The following NSUN6 variants were observed in gnomAD, a reference collection of about 807,000 sequenced individuals.
NSUN6 encodes the protein tRNA (cytosine(72)-C(5))-methyltransferase NSUN6.
Under a neutral mutation model 58.0 loss-of-function variants are expected in NSUN6, and 64 were observed. The observed-to-expected ratio is 1.10, with a 90% CI of 0.90 to 1.36. The LOEUF is 1.36. Among genes scored for constraint, NSUN6 ranks in the 40% most tolerant of loss-of-function variants. The pLI is 0.00. For missense variants in NSUN6, 701 were observed against 550.1 expected (o/e 1.27, Z -2.74); for synonymous variants, 231 against 193.9 (o/e 1.19, Z -1.59).
chr10:18,659,245 G>T (rs1050165380), upstream of NSUN6: 2 of 208,358 alleles, frequency 9.6e-6, no homozygotes, highest in Non-Finnish European at 1.9e-5. Context: ...AAGTGAAACC[G>T]AAGAAAACGC....
chr10:18,600,959 T>TATATATATATATACAC lies in NSUN6; in HGVS notation c.658-4633_658-4632insGTGTATATATATATAT. Among the ~76,000 whole-genome samples the TATATATATATATACAC allele has an allele frequency of 1.4e-3, 88 of 64,940 alleles. 1 individual carries two copies. Among genetic ancestry groups the TATATATATATATACAC allele is most frequent in the Non-Finnish European group, 2.2e-3 (73 of 32,702 alleles). 42.6% of individuals were successfully genotyped at this position (64,940 alleles called of 152,430 possible). A position where few individuals can be genotyped will look rare whatever the true frequency, so the allele number is the denominator to read the frequency against. ...AAAAAAAAATATATATATATATATATACATATATATATATATATGTATATA... is the reference window on the plus strand; with the variant it reads ...AAAAAAAAATATATATATATATATATATATATATATATACACACATATATATATATATATGTATATA... On this transcript the variant is annotated intron_variant, in intron 6 of 10. Transcript: ENST00000377304.
intron 7 of NSUN6, among the ~76,000 whole-genome samples, chr10:18,594,025 C>A (rs1184931655): frequency 5.3e-5 from 8 of 151,866 alleles, no homozygotes; most frequent in Admixed American, 5.3e-4. Flanking sequence ...CATGGTGAAA[C>A]CCCATCTCTA....
At chr10:18,634,003 G>C (rs1343460957) in intron 3 of NSUN6, among the ~76,000 whole-genome samples, 1 of 152,172 alleles carries the variant, frequency 6.6e-6, no homozygotes, top group South Asian at 2.1e-4. Context: ...TAGTCCCATA[G>C]GTATGCTCTT....
intron 3 of NSUN6, among the ~76,000 whole-genome samples, chr10:18,625,286 T>C (rs1173968223): frequency 1.3e-5 from 2 of 152,186 alleles, no homozygotes; most frequent in Middle Eastern, 3.2e-3. Context: ...AGGTAATATC[T>C]GTGCCAGAAA....
At position 18,551,865 on chromosome 10, in the gene NSUN6, T is replaced by C; in HGVS notation, c.1029A>G (p.Glu343=). 6.2e-7 allele frequency: 1 copy of C among 1,613,738 alleles called. No homozygotes were observed. The highest frequency in any genetic ancestry group is 8.5e-7 in the Non-Finnish European group (1 of 1,179,724). The change falls in exon 9 of 11, where the codon GAA becomes GAG. Residue 343 remains glutamate (E), a synonymous_variant. Coordinates refer to ENST00000377304, the MANE Select transcript of NSUN6 (RefSeq NM_182543.5). ...GCTGTAATGGCTGATATGATGCCAC[T>C]TCCTTCACAGACCAAGTACAGGCCA... The part of the protein sequence containing the change: ...PNMACTWSVK[E]VASYQPLQRK...
At chr10:18,633,001 C>T (rs968872312) in intron 3 of NSUN6, among the ~76,000 whole-genome samples, 1 of 151,952 alleles carries the variant, frequency 6.6e-6, no homozygotes, top group African/African-American at 2.4e-5. Flanking sequence ...GACTTGGAAC[C>T]AACCCAAATG....
chr10:18,547,102 A>C (rs570414534), intron 10 of NSUN6, among the ~76,000 whole-genome samples: 37 of 152,296 alleles, frequency 2.4e-4, no homozygotes, highest in African/African-American at 8.7e-4. Context: ...AACAAACATA[A>C]GAAAGGAAAC....
intron 8 of NSUN6, among the ~76,000 whole-genome samples, chr10:18,562,076 T>A (rs1487287346): frequency 6.8e-6 from 1 of 146,580 alleles, no homozygotes; most frequent in African/African-American, 2.6e-5. Context: ...TGAAATGGAA[T>A]GAAGTGGAGA....
At chr10:18,568,553 T>C (rs896538328) in intron 8 of NSUN6, among the ~76,000 whole-genome samples, 16 of 150,694 alleles carry the variant, frequency 1.1e-4, no homozygotes, top group Non-Finnish European at 2.2e-4. Flanking sequence ...TTCCAATCCA[T>C]TCTCCTTTCC....
chr10:18,609,746 C>A, intron 6 of NSUN6, 99 bp downstream of exon 6: 1 of 708,700 alleles, frequency 1.4e-6, no homozygotes, highest in Non-Finnish European at 2.5e-6. Context: ...GTAAGTAGAC[C>A]ACAGAAAAAA....
chr10:18,632,300 C>T (rs2059059298), intron 3 of NSUN6, among the ~76,000 whole-genome samples: 1 of 143,906 alleles, frequency 6.9e-6, no homozygotes, highest in South Asian at 2.4e-4. Flanking sequence ...ACCATAAAAA[C>T]CCTAGAAGAA....
At chr10:18,549,216 TAAAC>T (rs1405054147) in intron 9 of NSUN6, among the ~76,000 whole-genome samples, 1 of 152,266 alleles carries the variant, frequency 6.6e-6, no homozygotes, top group Admixed American at 6.5e-5. Flanking sequence ...AGGTCAGACA[TAAAC>T]AAGTCTCTTG....
intron 9 of NSUN6, among the ~76,000 whole-genome samples, chr10:18,550,801 T>A (rs181128995): frequency 1.3e-5 from 2 of 151,612 alleles, no homozygotes; most frequent in African/African-American, 4.8e-5. Context: ...TTCAGCTCAC[T>A]GCAACCTTCG....
chr10:18,621,098 A>C (rs1314850458), intron 3 of NSUN6, among the ~76,000 whole-genome samples: 1 of 152,200 alleles, frequency 6.6e-6, no homozygotes. Context: ...ACTGTGCCTG[A>C]ATTATTGAAC....
At chr10:18,547,574 T>C (rs935896094) in intron 10 of NSUN6, among the ~76,000 whole-genome samples, 1 of 152,198 alleles carries the variant, frequency 6.6e-6, no homozygotes, top group African/African-American at 2.4e-5. Flanking sequence ...AAAATACATT[T>C]CTAATAAAGA....
intron 3 of NSUN6, among the ~76,000 whole-genome samples, chr10:18,617,424 G>A (rs565033857): frequency 3.9e-5 from 6 of 152,150 alleles, no homozygotes; most frequent in Non-Finnish European, 7.4e-5. Context: ...CTGACCTCAG[G>A]TGATCCACCA....
At chr10:18,627,458 G>A (rs1440492930) in intron 3 of NSUN6, among the ~76,000 whole-genome samples, 2 of 152,200 alleles carry the variant, frequency 1.3e-5, no homozygotes, top group African/African-American at 2.4e-5. Flanking sequence ...CAGCGTGAGC[G>A]ACGCAGAAGA....
chr10:18,646,745 C>T (rs549362861), intron 2 of NSUN6, among the ~76,000 whole-genome samples: 162 of 152,188 alleles, frequency 1.1e-3, no homozygotes, highest in Non-Finnish European at 1.9e-3. Context: ...GCAGGAGAAT[C>T]GCTTGAACAC....
chr10:18,642,483 C>T lies in NSUN6; in HGVS notation c.304G>A (p.Gly102Arg). ...LQDVLLIPVI[G>R]PRKNIKKQQC... ...AATGAAGTTCTTACAAACCTGGGTC[C>T]AATAACAGGAATAAGTAACACATCT... is the stretch of plus-strand genomic sequence containing the variant. Residue 102 changes from glycine to arginine, a missense_variant, in exon 3 of 11, where the codon GGA becomes AGA. Physicochemically the swap from Gly to Arg is moderately radical, Grantham distance 125. Transcript: ENST00000377304. The T allele has an allele frequency of 6.7e-7, 1 of 1,499,356 alleles. No homozygotes were observed. The allele number at this position is 1,499,356 out of a possible 1,614,324, so 92.9% of individuals were successfully genotyped here.
Sources: gnomAD v4.1 joint callset for allele counts (sites outside exome capture counted in the v4.1 genomes callset) on GRCh38, gnomAD v4.1.1 for gene constraint, MANE v1.5 for transcripts, NCBI Gene and HGNC (gene_info 2026-07-23, HGNC 2026-07-21) for gene names.